The following TSHR variants were observed in gnomAD, a reference collection of about 807,000 sequenced individuals.
TSHR encodes the protein thyroid stimulating hormone receptor.
Under a neutral mutation model 64.1 loss-of-function variants are expected in TSHR, and 51 were observed. The ratio of observed to expected loss-of-function variants is 0.80; its 90% CI spans 0.64 to 1.01. The LOEUF (loss-of-function observed/expected upper bound fraction) is 1.01, where lower values mean the gene tolerates loss of function less well. Ranked by LOEUF, TSHR falls within the 50% of genes least tolerant of loss-of-function variation. TSHR has a pLI of 0.00. For synonymous variants in TSHR, 361 were observed against 361.9 expected (o/e 1.00, Z 0.03); for missense variants, 877 against 942.8 (o/e 0.93, Z 0.91).
At chr14:80,981,198 T>C (rs1487805520) in intron 1 of TSHR, among the ~76,000 whole-genome samples, 1 of 152,166 alleles carries the variant, frequency 6.6e-6, no homozygotes, top group African/African-American at 2.4e-5. Context: ...CATCAGGGAT[T>C]TCACTGCTCA....
At chr14:81,114,752 A>T (rs561540275) in intron 8 of TSHR, among the ~76,000 whole-genome samples, 1,531 of 152,330 alleles carry the variant, frequency 0.01, 33 homozygotes, top group African/African-American at 0.035. Context: ...AAAAGACAGC[A>T]GTAACCTCCG....
Position 81,068,291 on chromosome 14 carries a change from T to C in TSHR, c.280T>C (p.Ser94Pro), listed in dbSNP as rs1886808505. ...SIDVTLQQLE[S>P]HSFYNLSKVT... is the part of the protein sequence containing the mutation. The stretch of plus-strand genomic sequence containing the variant: ...AGATGTGACTCTGCAGCAGCTGGAA[T>C]CACACTCCTTCTACAATTTGAGTAA... Residue 94 changes from serine to proline, a missense_variant, in exon 3 of 10, where the codon TCA becomes CCA. Transcript: ENST00000298171. 3.1e-6 allele frequency: 5 copies of C among 1,613,252 alleles called. No homozygotes were observed. The East Asian group carries it at 1.1e-4, about 36-fold the overall frequency.
At chr14:81,002,781 C>CTT (rs1174635270) in intron 1 of TSHR, among the ~76,000 whole-genome samples, 9 of 44,316 alleles carry the variant, frequency 2.0e-4, no homozygotes, top group African/African-American at 6.9e-4. Flanking sequence ...CCTAATGCCT[C>CTT]TTTTTTTTTT....
intron 5 of TSHR, 134 bp from the exon 6 acceptor site, chr14:81,092,397 G>C: frequency 1.2e-6 from 1 of 851,942 alleles, no homozygotes; most frequent in East Asian, 2.7e-5. Context: ...GGTTAAGAAG[G>C]GTCAGTGAAA....
At chr14:81,140,819 C>A (rs1259876716) in intron 9 of TSHR, among the ~76,000 whole-genome samples, 5 of 152,140 alleles carry the variant, frequency 3.3e-5, no homozygotes, top group African/African-American at 9.7e-5. Flanking sequence ...AACAGCCATA[C>A]AAAGAAGGCC....
At chr14:80,975,046 A>G (rs564160487) in intron 1 of TSHR, among the ~76,000 whole-genome samples, 2 of 152,354 alleles carry the variant, frequency 1.3e-5, no homozygotes, top group South Asian at 2.1e-4. Flanking sequence ...TTTTGTATCT[A>G]TTAAAGGAAA....
At chr14:80,996,332 G>C (rs1342130462) in intron 1 of TSHR, among the ~76,000 whole-genome samples, 2 of 151,868 alleles carry the variant, frequency 1.3e-5, no homozygotes, top group Non-Finnish European at 2.9e-5. Flanking sequence ...CCCAGATTTG[G>C]ATTACCTTTA....
intron 2 of TSHR, among the ~76,000 whole-genome samples, chr14:81,062,788 CA>C (rs1418878121): frequency 1.3e-5 from 2 of 152,098 alleles, no homozygotes; most frequent in Non-Finnish European, 2.9e-5. Context: ...TGAAATGAAG[CA>C]GGTCTTTATT....
intron 3 of TSHR, chr14:81,078,660 TA>T (rs1248351136): frequency 6.6e-6 from 1 of 152,220 alleles, no homozygotes; most frequent in Non-Finnish European, 1.5e-5. Context: ...GCTTTTACTT[TA>T]TATCCTTGGA....
chr14:80,971,605 G>T (rs1478455210), intron 1 of TSHR, among the ~76,000 whole-genome samples: 1 of 152,128 alleles, frequency 6.6e-6, no homozygotes, highest in South Asian at 2.1e-4. Flanking sequence ...CTATTTGTTT[G>T]GGGTTTTTGT....
At chr14:80,960,194 A>T (rs1021445108) in intron 1 of TSHR, among the ~76,000 whole-genome samples, 2 of 152,236 alleles carry the variant, frequency 1.3e-5, no homozygotes, top group African/African-American at 4.8e-5. Flanking sequence ...ATTCACGGTT[A>T]TTTAATGCCA....
intron 6 of TSHR, among the ~76,000 whole-genome samples, chr14:81,092,953 A>G (rs1474913746): frequency 6.6e-6 from 1 of 152,202 alleles, no homozygotes; most frequent in African/African-American, 2.4e-5. Context: ...ACTAATGAGC[A>G]TGTCTGTGTT....
chr14:81,135,358 G>A (rs940459423), intron 8 of TSHR, among the ~76,000 whole-genome samples: 4 of 152,194 alleles, frequency 2.6e-5, no homozygotes, highest in African/African-American at 7.2e-5. Context: ...TATAAGATCT[G>A]TGTTTTAGAA....
intron 1 of TSHR, chr14:81,003,283 A>G (rs967583272): frequency 6.6e-6 from 1 of 152,172 alleles, no homozygotes; most frequent in Non-Finnish European, 1.5e-5. Flanking sequence ...TACAGTACAC[A>G]TGCTCCTTAG....
intron 7 of TSHR, chr14:81,104,875 G>T: frequency 1.0e-6 from 1 of 985,378 alleles, no homozygotes; most frequent in East Asian, 1.1e-4. Context: ...AAGACCCCAA[G>T]CGGTGAAAAG....
intron 8 of TSHR, among the ~76,000 whole-genome samples, chr14:81,134,419 A>T (rs1487633799): frequency 6.6e-6 from 1 of 152,160 alleles, no homozygotes; most frequent in Admixed American, 6.5e-5. Context: ...TACAGATGTG[A>T]GCCACCGCAC....
intron 1 of TSHR, chr14:80,982,700 C>A: frequency 4.3e-6 from 4 of 919,728 alleles, no homozygotes; most frequent in South Asian, 2.8e-5. Context: ...AGATCCCAGG[C>A]ATCTAAGGCA....
intron 1 of TSHR, among the ~76,000 whole-genome samples, chr14:81,011,415 C>A (rs189472831): frequency 6.6e-6 from 1 of 152,024 alleles, no homozygotes; most frequent in Non-Finnish European, 1.5e-5. Context: ...TTTTTGGATA[C>A]ATCAGTTTCT....
chr14:81,091,988 G>T (rs1167125426), intron 5 of TSHR, among the ~76,000 whole-genome samples: 1 of 152,092 alleles, frequency 6.6e-6, no homozygotes, highest in African/African-American at 2.4e-5. Flanking sequence ...TTGGGGTTTT[G>T]CTAGAAAAAA....
Sources: allele counts gnomAD v4.1 joint callset (sites outside exome capture counted in the v4.1 genomes callset), GRCh38; gene constraint gnomAD v4.1.1; transcripts MANE v1.5; gene names NCBI Gene and HGNC (gene_info 2026-07-23, HGNC 2026-07-21).